The following LHPP variants were observed in gnomAD, a reference collection of about 807,000 sequenced individuals.
LHPP encodes phospholysine phosphohistidine inorganic pyrophosphate phosphatase, also known as hLHPP.
A neutral mutation model predicts 30.3 loss-of-function variants in LHPP; 24 were observed. The ratio of observed to expected loss-of-function variants is 0.79; its 90% CI spans 0.57 to 1.11. The LOEUF is 1.11. Ranked by LOEUF, LHPP falls within the 50% of genes most tolerant of loss-of-function variation. The probability of loss-of-function intolerance (pLI) is 0.00; values close to 1 mark genes in which losing one functional copy is unlikely to be tolerated. For synonymous variants in LHPP, 150 were observed against 157.1 expected (o/e 0.95, Z 0.34); for missense variants, 356 against 367.2 (o/e 0.97, Z 0.25).
At position 124,613,286 on chromosome 10, in the gene LHPP, G is replaced by C. The variant is rs1949226591; in HGVS notation, c.739G>C (p.Glu247Gln). ...KFRPSDEHHP[E>Q]VKADGYVDNL... ...CAGGCCCAGTGACGAGCACCATCCG[G>C]AAGTGAAGGCTGATGGGTACGTGGA... The change falls in exon 7 of 7, where the codon GAA (glutamate) becomes CAA (glutamine). Residue 247 changes from glutamate to glutamine, a missense_variant. Transcript: ENST00000368842. 3.1e-6 allele frequency: 5 copies of C among 1,613,514 alleles called. No homozygotes were observed. Among genetic ancestry groups the C allele is most frequent in the Non-Finnish European group, 4.2e-6 (5 of 1,179,938 alleles).
chr10:124,511,905 G>A (rs1166705903), intron 5 of LHPP, among the ~76,000 whole-genome samples: 10 of 152,078 alleles, frequency 6.6e-5, no homozygotes, highest in African/African-American at 1.7e-4. Flanking sequence ...CCTGCTGGGC[G>A]TGTCCCACCT....
chr10:124,599,274 A>G (rs981474815), intron 6 of LHPP, among the ~76,000 whole-genome samples: 2 of 150,764 alleles, frequency 1.3e-5, no homozygotes, highest in Non-Finnish European at 3.0e-5. Flanking sequence ...CTGTTTGTCC[A>G]TTCCCATCCA....
intron 6 of LHPP, among the ~76,000 whole-genome samples, chr10:124,571,886 A>G (rs182472531): frequency 6.6e-6 from 1 of 152,338 alleles, no homozygotes; most frequent in Non-Finnish European, 1.5e-5. Flanking sequence ...GGCTGTCATT[A>G]AACAGGTGGG....
At chr10:124,506,472 A>G (rs2133889654) in intron 5 of LHPP, among the ~76,000 whole-genome samples, 1 of 151,744 alleles carries the variant, frequency 6.6e-6, no homozygotes, top group Middle Eastern at 3.4e-3. Context: ...CCGCAGCATT[A>G]AGCGGTATTA....
intron 2 of LHPP, among the ~76,000 whole-genome samples, chr10:124,487,886 C>T (rs1953387759): frequency 6.6e-6 from 1 of 152,122 alleles, no homozygotes; most frequent in Non-Finnish European, 1.5e-5. Flanking sequence ...TGGGGGAAGA[C>T]AAAGAAGGAG....
intron 6 of LHPP, among the ~76,000 whole-genome samples, chr10:124,557,196 G>T (rs957723052): frequency 1.3e-5 from 2 of 152,216 alleles, no homozygotes; most frequent in Non-Finnish European, 2.9e-5. Flanking sequence ...TTCACTTTCT[G>T]GGCTGTACCA....
At chr10:124,472,833 C>T (rs541799732) in intron 1 of LHPP, among the ~76,000 whole-genome samples, 14 of 152,214 alleles carry the variant, frequency 9.2e-5, no homozygotes, top group Non-Finnish European at 2.1e-4. Context: ...GCTGGGATTA[C>T]AGGCGTGAGC....
intron 6 of LHPP, among the ~76,000 whole-genome samples, chr10:124,569,343 G>A (rs1948546785): frequency 6.6e-6 from 1 of 152,176 alleles, no homozygotes; most frequent in African/African-American, 2.4e-5. Flanking sequence ...CCCGTCAGTT[G>A]TCTGTCGGGC....
At chr10:124,483,059 C>T (rs1953193097) in intron 1 of LHPP, among the ~76,000 whole-genome samples, 1 of 152,016 alleles carries the variant, frequency 6.6e-6, no homozygotes, top group South Asian at 2.1e-4. Flanking sequence ...GAGAACTTGC[C>T]CAGGTGCAGC....
chr10:124,484,384 GGGGC>G (rs1173818726), intron 2 of LHPP, 58 bp downstream of exon 2: 1 of 1,525,856 alleles, frequency 6.6e-7, no homozygotes, highest in Non-Finnish European at 9.0e-7. Flanking sequence ...TCCCAGGGTG[GGGGC>G]TGTGCAGAGA....
chr10:124,512,616 CAAAAAAAAA>C (rs34808470), intron 5 of LHPP, among the ~76,000 whole-genome samples: 12 of 54,182 alleles, frequency 2.2e-4, no homozygotes, highest in Non-Finnish European at 4.1e-4. Context: ...GACTCCGTCT[CAAAAAAAAA>C]AAAAAAAAAA....
intron 6 of LHPP, among the ~76,000 whole-genome samples, chr10:124,588,665 GT>G (rs1948837850): frequency 6.6e-6 from 1 of 152,308 alleles, no homozygotes; most frequent in African/African-American, 2.4e-5. Flanking sequence ...AGAATCTGAG[GT>G]TTTTACAAAT....
chr10:124,497,151 T>G (rs770809090), intron 4 of LHPP, 127 bp downstream of exon 4: 2 of 735,110 alleles, frequency 2.7e-6, no homozygotes, highest in Non-Finnish European at 4.6e-6. Flanking sequence ...CCACAAAGGC[T>G]GCCTTCCTAT....
At chr10:124,488,080 A>G (rs530108936) in intron 2 of LHPP, among the ~76,000 whole-genome samples, 3 of 152,152 alleles carry the variant, frequency 2.0e-5, no homozygotes, top group Non-Finnish European at 4.4e-5. Flanking sequence ...GCAGGCTCTC[A>G]GTGTCTTCTG....
intron 6 of LHPP, among the ~76,000 whole-genome samples, chr10:124,594,428 C>G (rs1948918141): frequency 6.6e-6 from 1 of 151,664 alleles, no homozygotes; most frequent in Non-Finnish European, 1.5e-5. Flanking sequence ...CTCCAGTTTC[C>G]TGCCAGCCCC....
intron 6 of LHPP, among the ~76,000 whole-genome samples, chr10:124,551,713 G>A (rs542315274): frequency 1.3e-5 from 2 of 152,122 alleles, no homozygotes; most frequent in Non-Finnish European, 2.9e-5. Context: ...GGGCTTGGCC[G>A]GCCCCCCGGG....
In LHPP at chr10:124,510,303, G is replaced by A. The variant is rs910107329; in HGVS notation, c.625-6877G>A. ...TTGCCCTTCACCGATAGTAAATCTGGGAATCCCCTGGGGTCCTGAGCGCAC... is the reference window on the plus strand; with the variant it reads ...TTGCCCTTCACCGATAGTAAATCTGAGAATCCCCTGGGGTCCTGAGCGCAC... On this transcript the variant is annotated intron_variant, in intron 5 of 6. Transcript: ENST00000368842. The surrounding 1 kb of genome is among the most constrained non-coding windows in gnomAD (Gnocchi z 4.0). Among the ~76,000 whole-genome samples, 3 of 152,166 alleles carry A rather than the reference G, an allele frequency of 2.0e-5. No homozygotes were observed. The highest frequency in any genetic ancestry group is 4.8e-5 in the African/African-American group (2 of 41,430).
Position 124,575,549 on chromosome 10 carries a change from C to T in LHPP, c.717-37715C>T, listed in dbSNP as rs1048630322. Among the ~76,000 whole-genome samples the T allele has an allele frequency of 2.6e-5, 4 of 152,288 alleles. No homozygotes were observed. The East Asian group carries it at 5.8e-4, about 22-fold the overall frequency. ...CATGACAGTCCCCTGTGCCCATGTC[C>T]TGCAGCCTCTCCTGGGGGCAGGAGC... On this transcript the variant is annotated intron_variant, in intron 6 of 6. Coordinates refer to ENST00000368842, the MANE Select transcript of LHPP (RefSeq NM_022126.4).
intron 1 of LHPP, among the ~76,000 whole-genome samples, chr10:124,471,066 G>A (rs1407443064): frequency 6.6e-6 from 1 of 152,112 alleles, no homozygotes; most frequent in Admixed American, 6.6e-5. Flanking sequence ...AATATACAGA[G>A]TGAAAAGTCC....
Sources: allele counts gnomAD v4.1 joint callset (sites outside exome capture counted in the v4.1 genomes callset), GRCh38; gene constraint gnomAD v4.1.1; non-coding constraint Gnocchi (gnomAD v3.1); transcripts MANE v1.5; gene names NCBI Gene and HGNC (gene_info 2026-07-23, HGNC 2026-07-21).